PDE3B: variants seen among roughly 807,000 people sequenced by gnomAD.
PDE3B encodes the protein phosphodiesterase 3B.
In PDE3B, 66 loss-of-function variants were observed where a neutral mutation model predicts 116.8. That is an observed-to-expected ratio of 0.56 (90% CI 0.46 to 0.69). The LOEUF (loss-of-function observed/expected upper bound fraction) is 0.69. PDE3B is among the 30% of genes least tolerant of loss of function. The probability of loss-of-function intolerance (pLI) is 0.00; values close to 1 mark genes in which losing one functional copy is unlikely to be tolerated. For synonymous variants in PDE3B, 595 were observed against 533.6 expected (o/e 1.12, Z -1.59); for missense variants, 1,384 against 1,368.1 (o/e 1.01, Z -0.18).
At chr11:14,828,906 A>C (rs528329213) in intron 7 of PDE3B, among the ~76,000 whole-genome samples, 1 of 152,352 alleles carries the variant, frequency 6.6e-6, no homozygotes, top group African/African-American at 2.4e-5. Flanking sequence ...ACATAGAATC[A>C]ACCTAAATAT....
chr11:14,885,484 T>C, the PDE3B span, among the ~76,000 whole-genome samples: 3 of 152,214 alleles, frequency 2.0e-5, no homozygotes, highest in African/African-American at 7.2e-5. Context: ...AGTGGAAGTA[T>C]GTGTTTATTC....
intron 1 of PDE3B, among the ~76,000 whole-genome samples, chr11:14,737,764 C>T (rs1260115693): frequency 0.014 from 24 of 1,720 alleles, no homozygotes; most frequent in African/African-American, 0.044. Flanking sequence ...CTATCCCTTC[C>T]CCCCTCCCCC....
At chr11:14,765,583 A>T (rs999125091) in intron 1 of PDE3B, among the ~76,000 whole-genome samples, 1 of 151,866 alleles carries the variant, frequency 6.6e-6, no homozygotes, top group African/African-American at 2.4e-5. Flanking sequence ...CTGTTCCTTA[A>T]TTAGTTTTGA....
chr11:14,714,062 C>CT (rs946045023), intron 1 of PDE3B, among the ~76,000 whole-genome samples: 6 of 151,274 alleles, frequency 4.0e-5, no homozygotes, highest in South Asian at 2.1e-4. Context: ...GCGCGTGTGA[C>CT]TTTTTTTTTA....
the PDE3B span, chr11:14,879,235 A>T: frequency 6.2e-7 from 1 of 1,613,320 alleles, no homozygotes; most frequent in Non-Finnish European, 8.5e-7. Flanking sequence ...CAGAATAAAG[A>T]TTTGTAATTA....
the PDE3B span, chr11:14,880,549 A>G: frequency 1.9e-6 from 3 of 1,613,498 alleles, no homozygotes; most frequent in Non-Finnish European, 2.5e-6. Context: ...TCGTTCTCCA[A>G]AAATGATCAG....
At chr11:14,661,299 G>A (rs1033071405) in intron 1 of PDE3B, among the ~76,000 whole-genome samples, 1 of 152,206 alleles carries the variant, frequency 6.6e-6, no homozygotes, top group Non-Finnish European at 1.5e-5. Flanking sequence ...ACTGGATTAA[G>A]AAAATGTGGC....
At chr11:14,781,092 C>T (rs1374381245) in intron 2 of PDE3B, among the ~76,000 whole-genome samples, 1 of 152,134 alleles carries the variant, frequency 6.6e-6, no homozygotes, top group Non-Finnish European at 1.5e-5. Context: ...TCGACACATA[C>T]ACCCTCCCAA....
At chr11:14,736,976 C>T (rs548096550) in intron 1 of PDE3B, among the ~76,000 whole-genome samples, 1 of 152,128 alleles carries the variant, frequency 6.6e-6, no homozygotes, top group Admixed American at 6.5e-5. Flanking sequence ...CTTTTCAAGT[C>T]CACCATGTAC....
At chr11:14,655,800 C>T (rs572741629) in intron 1 of PDE3B, among the ~76,000 whole-genome samples, 7 of 152,210 alleles carry the variant, frequency 4.6e-5, no homozygotes, top group African/African-American at 1.7e-4. Flanking sequence ...AAATTCATGA[C>T]ATTGTTGTGG....
chr11:14,795,147 G>T (rs1412154558), intron 4 of PDE3B, among the ~76,000 whole-genome samples: 1 of 152,134 alleles, frequency 6.6e-6, no homozygotes, highest in East Asian at 1.9e-4. Context: ...TCCTCTCTCT[G>T]GAGGTTGGGT....
chr11:14,832,288 T>G (rs1211761960), intron 9 of PDE3B, among the ~76,000 whole-genome samples: 2 of 152,208 alleles, frequency 1.3e-5, no homozygotes, highest in Non-Finnish European at 2.9e-5. Context: ...CATATCTTAT[T>G]TATGAAATGC....
chr11:14,655,701 T>A (rs1853699409), intron 1 of PDE3B, among the ~76,000 whole-genome samples: 1 of 152,148 alleles, frequency 6.6e-6, no homozygotes, highest in East Asian at 1.9e-4. Context: ...GTATTGGAAG[T>A]CTTTATAGAG....
At chr11:14,886,465 G>C in the PDE3B span, 1 of 155,498 alleles carries the variant, frequency 6.4e-6, no homozygotes, top group Non-Finnish European at 1.4e-5. Flanking sequence ...TCCACAAAGT[G>C]AATGAAGAGG....
intron 1 of PDE3B, among the ~76,000 whole-genome samples, chr11:14,741,271 G>C (rs1268218007): frequency 6.6e-6 from 1 of 152,092 alleles, no homozygotes; most frequent in Non-Finnish European, 1.5e-5. Context: ...TTGGTATTAT[G>C]AATCTGGGTG....
Position 14,859,163 on chromosome 11 carries a change from C to A in PDE3B, c.2641C>A (p.Arg881Ser), listed in dbSNP as rs782003397. Reference sequence around the variant, plus strand: ...TCATCTTGATCATGTGGAATTCAAGCGCTTTCGTTTTTTAGTCATTGAAGC... The same window carrying A: ...TCATCTTGATCATGTGGAATTCAAGAGCTTTCGTTTTTTAGTCATTGAAGC... ...LLHLDHVEFK[R>S]FRFLVIEAIL... The change falls in exon 13 of 16, where the codon CGC becomes AGC. Residue 881 changes from arginine (R) to serine (S), a missense_variant. By Grantham distance (110) the Arg-to-Ser change is moderately radical. Coordinates refer to ENST00000282096, the MANE Select transcript of PDE3B (RefSeq NM_000922.4). 6.2e-7 allele frequency: 1 copy of A among 1,613,546 alleles called. No individual in the cohort carries two copies.
chr11:14,660,572 G>A (rs368478610), intron 1 of PDE3B, among the ~76,000 whole-genome samples: 51 of 152,034 alleles, frequency 3.4e-4, no homozygotes, highest in African/African-American at 1.1e-3. Flanking sequence ...CCAGAGTGCT[G>A]GGATTGCAGG....
intron 1 of PDE3B, among the ~76,000 whole-genome samples, chr11:14,746,240 A>G (rs2133870650): frequency 6.6e-6 from 1 of 152,254 alleles, no homozygotes; most frequent in East Asian, 1.9e-4. Flanking sequence ...CTAAAAATAC[A>G]AAAATTAGCT....
chr11:14,780,701 CAA>C, intron 2 of PDE3B, among the ~76,000 whole-genome samples: 1 of 152,060 alleles, frequency 6.6e-6, no homozygotes, highest in South Asian at 2.1e-4. Context: ...TAAATGCCCA[CAA>C]GAGAAAGCAG....
Sources: gnomAD v4.1 joint callset for allele counts (sites outside exome capture counted in the v4.1 genomes callset) on GRCh38, gnomAD v4.1.1 for gene constraint, MANE v1.5 for transcripts, NCBI Gene and HGNC (gene_info 2026-07-23, HGNC 2026-07-21) for gene names.